The following HPSE2 variants were observed in gnomAD, a reference collection of about 807,000 sequenced individuals.
HPSE2 encodes the protein inactive heparanase-2.
Under a neutral mutation model 60.5 loss-of-function variants are expected in HPSE2, and 38 were observed. The ratio of observed to expected loss-of-function variants is 0.63; its 90% confidence interval spans 0.48 to 0.82. The LOEUF (loss-of-function observed/expected upper bound fraction) is 0.82. Ranked by LOEUF, HPSE2 falls within the 40% of genes least tolerant of loss-of-function variation. The pLI is 0.00. For missense variants in HPSE2, 713 were observed against 740.4 expected (o/e 0.96, Z 0.43); for synonymous variants, 295 against 293.2 (o/e 1.01, Z -0.06).
intron 11 of HPSE2, among the ~76,000 whole-genome samples, chr10:98,476,225 A>C (rs1941010915): frequency 6.7e-6 from 1 of 149,314 alleles, no homozygotes; most frequent in East Asian, 2.0e-4. Context: ...ACACAAGGAC[A>C]AAAAACCAAA....
At chr10:98,618,650 C>G (rs958488047) in intron 8 of HPSE2, among the ~76,000 whole-genome samples, 2 of 152,104 alleles carry the variant, frequency 1.3e-5, no homozygotes, top group African/African-American at 4.8e-5. Context: ...GGTCTCAGCT[C>G]ACTGCAACCT....
rs182044125 is a variant in HPSE2 at position 99,060,226 on chromosome 10, G to A, written c.610+84012C>T. ...CATATATTTGGGGACATATTTTTAT[G>A]TGTAATGTCAACTATGTATTAAACA... On this transcript the variant is annotated intron_variant, in intron 3 of 11. Transcript: ENST00000370552. 5.3e-5 allele frequency among the ~76,000 whole-genome samples: 8 copies of A among 152,292 alleles called. 1 individual carries two copies. The East Asian group carries it at 1.5e-3, about 29-fold the overall frequency.
chr10:99,268,949 A>T, the HPSE2 span, among the ~76,000 whole-genome samples: 3,068 of 152,114 alleles, frequency 0.02, 114 homozygotes, highest in East Asian at 0.15. Context: ...TGAGGTCAGG[A>T]GTTCGAGACC....
chr10:98,900,494 T>A (rs1436570302), intron 3 of HPSE2, among the ~76,000 whole-genome samples: 1 of 152,160 alleles, frequency 6.6e-6, no homozygotes, highest in Non-Finnish European at 1.5e-5. Flanking sequence ...TTCATACAAA[T>A]GTATGAACAT....
intron 3 of HPSE2, among the ~76,000 whole-genome samples, chr10:98,820,772 G>A (rs1349394230): frequency 6.6e-6 from 1 of 152,142 alleles, no homozygotes; most frequent in African/African-American, 2.4e-5. Context: ...CTCTCTGCAT[G>A]ACAGCTATAT....
chr10:98,778,134 C>T (rs1227417517), intron 3 of HPSE2, among the ~76,000 whole-genome samples: 1 of 151,982 alleles, frequency 6.6e-6, no homozygotes, highest in South Asian at 2.1e-4. Flanking sequence ...TTAGGTGGGA[C>T]ACAGAGGTGG....
At chr10:99,299,219 C>G in the HPSE2 span, among the ~76,000 whole-genome samples, 1 of 152,282 alleles carries the variant, frequency 6.6e-6, no homozygotes, top group East Asian at 1.9e-4. Flanking sequence ...AACCCCTCCC[C>G]CTCATCCAAC....
intron 7 of HPSE2, among the ~76,000 whole-genome samples, chr10:98,625,615 G>A (rs563316142): frequency 1.3e-5 from 2 of 152,240 alleles, no homozygotes; most frequent in South Asian, 2.1e-4. Flanking sequence ...TCATCAATAG[G>A]TCCTTGGAAA....
the HPSE2 span, among the ~76,000 whole-genome samples, chr10:99,273,077 C>T: frequency 6.6e-6 from 1 of 152,178 alleles, no homozygotes; most frequent in Admixed American, 6.5e-5. Flanking sequence ...CCATGGAATA[C>T]TACTCAGCCA....
At chr10:98,624,297 G>A (rs1220660345) in intron 7 of HPSE2, among the ~76,000 whole-genome samples, 1 of 152,180 alleles carries the variant, frequency 6.6e-6, no homozygotes, top group Non-Finnish European at 1.5e-5. Context: ...AGCGGTCAGA[G>A]GGGGCTCATG....
At chr10:98,940,764 G>T (rs1440116629) in intron 3 of HPSE2, among the ~76,000 whole-genome samples, 1 of 142,224 alleles carries the variant, frequency 7.0e-6, no homozygotes, top group Non-Finnish European at 1.5e-5. Context: ...ACCAAAGCTG[G>T]GCAGAGACAC....
chr10:98,891,932 G>A (rs1404186266), intron 3 of HPSE2, among the ~76,000 whole-genome samples: 4 of 151,656 alleles, frequency 2.6e-5, no homozygotes, highest in Non-Finnish European at 4.4e-5. Context: ...CACCACAACT[G>A]GCTAACTTTT....
intron 9 of HPSE2, among the ~76,000 whole-genome samples, chr10:98,585,703 G>A (rs1188823354): frequency 6.6e-6 from 1 of 151,630 alleles, no homozygotes; most frequent in Non-Finnish European, 1.5e-5. Flanking sequence ...TGTAATCCCA[G>A]CACTTTGGGA....
intron 9 of HPSE2, among the ~76,000 whole-genome samples, chr10:98,605,036 T>C (rs1945537474): frequency 6.6e-6 from 1 of 152,210 alleles, no homozygotes; most frequent in Admixed American, 6.5e-5. Context: ...ATGTATTATT[T>C]GGGTAACTAA....
intron 3 of HPSE2, among the ~76,000 whole-genome samples, chr10:98,852,586 G>C (rs1394174751): frequency 1.3e-5 from 2 of 152,200 alleles, no homozygotes; most frequent in East Asian, 3.8e-4. Flanking sequence ...AATTTGAACA[G>C]ACAGGCCTTG....
At chr10:98,938,241 A>C (rs1471092262) in intron 3 of HPSE2, among the ~76,000 whole-genome samples, 2 of 145,148 alleles carry the variant, frequency 1.4e-5, no homozygotes, top group Non-Finnish European at 1.5e-5. Context: ...TGGACGGAGA[A>C]TGACTTTGAC....
chr10:98,571,012 C>G (rs539715753), intron 9 of HPSE2, among the ~76,000 whole-genome samples: 1 of 152,174 alleles, frequency 6.6e-6, no homozygotes, highest in East Asian at 1.9e-4. Flanking sequence ...GTACAACTTT[C>G]TTTTTAAAAT....
chr10:98,805,497 T>C (rs1474424634), intron 3 of HPSE2, among the ~76,000 whole-genome samples: 3 of 152,058 alleles, frequency 2.0e-5, no homozygotes, highest in Admixed American at 1.3e-4. Context: ...ATGGGGTACA[T>C]AGGGCATATC....
chr10:98,588,331 A>G (rs1324898790), intron 9 of HPSE2, among the ~76,000 whole-genome samples: 1 of 152,112 alleles, frequency 6.6e-6, no homozygotes, highest in Non-Finnish European at 1.5e-5. Flanking sequence ...TATCCTACTA[A>G]TTTTCAGGCC....
Sources: gnomAD v4.1 joint callset for allele counts (sites outside exome capture counted in the v4.1 genomes callset) on GRCh38, gnomAD v4.1.1 for gene constraint, MANE v1.5 for transcripts, NCBI Gene and HGNC (gene_info 2026-07-23, HGNC 2026-07-21) for gene names.